ZNF609: variants seen among roughly 807,000 people sequenced by gnomAD.
The protein encoded by ZNF609 is zinc finger protein 609.
In ZNF609, 11 loss-of-function variants were observed where a neutral mutation model predicts 109.5. The observed-to-expected ratio is 0.10, with a 90% CI of 0.06 to 0.17. The LOEUF is 0.17. Ranked by LOEUF, ZNF609 falls within the 10% of genes least tolerant of loss-of-function variation. The probability of loss-of-function intolerance (pLI) is 1.00; values close to 1 mark genes in which losing one functional copy is unlikely to be tolerated. For missense variants in ZNF609, 1,559 were observed against 1,772.4 expected, an observed-to-expected ratio of 0.88 and a Z score of 2.16; for synonymous variants, 646 against 662.0, an observed-to-expected ratio of 0.98 and a Z score of 0.37.
intron 2 of ZNF609, among the ~76,000 whole-genome samples, chr15:64,558,648 G>GT (rs1200409873): frequency 6.6e-6 from 1 of 152,086 alleles, no homozygotes; most frequent in African/African-American, 2.4e-5. Context: ...TAGCCTAATT[G>GT]TTTCATTGCC....
intron 1 of ZNF609, among the ~76,000 whole-genome samples, chr15:64,471,072 A>G (rs1893084111): frequency 6.6e-6 from 1 of 152,148 alleles, no homozygotes; most frequent in Non-Finnish European, 1.5e-5. Flanking sequence ...TACTTAAAAC[A>G]TCTGTTGGTC....
intron 1 of ZNF609, among the ~76,000 whole-genome samples, chr15:64,472,165 G>C (rs1253705588): frequency 6.6e-6 from 1 of 151,924 alleles, no homozygotes; most frequent in Non-Finnish European, 1.5e-5. Context: ...CACCCGCCTC[G>C]GCCTCCCAAA....
chr15:64,558,345 T>A (rs1304366459), intron 2 of ZNF609, among the ~76,000 whole-genome samples: 1 of 152,180 alleles, frequency 6.6e-6, no homozygotes, highest in Non-Finnish European at 1.5e-5. Flanking sequence ...GTTTACTTTA[T>A]CTCTCAAAGC....
At chr15:64,644,245 C>G (rs1035713615) in intron 3 of ZNF609, among the ~76,000 whole-genome samples, 1 of 152,114 alleles carries the variant, frequency 6.6e-6, no homozygotes, top group Non-Finnish European at 1.5e-5. Context: ...CACCTATAAT[C>G]CCAGTACTTT....
At chr15:64,489,148 G>A (rs575676160) in intron 1 of ZNF609, among the ~76,000 whole-genome samples, 1 of 151,114 alleles carries the variant, frequency 6.6e-6, no homozygotes, top group African/African-American at 2.4e-5. Flanking sequence ...TTACACAACA[G>A]TTCTGTGTGC....
At position 64,663,351 on chromosome 15, in the gene ZNF609, TAG is replaced by T. The variant is rs1365139030; in HGVS notation, c.974-6993_974-6992del. Among the ~76,000 whole-genome samples the T allele has an allele frequency of 6.6e-5, 10 of 152,280 alleles. No homozygotes were observed. In the South Asian group the frequency reaches 2.1e-3, roughly 32 times the overall value. ...CTCTAAGGGTTTTGACCTGAACACC[TAG>T]AAGGATGTACACATGCCATTACCTC... On this transcript the variant is annotated intron_variant, in intron 3 of 9. Coordinates refer to ENST00000326648, the MANE Select transcript of ZNF609 (RefSeq NM_015042.2).
chr15:64,652,911 T>C (rs1460893704), intron 3 of ZNF609: 1 of 153,260 alleles, frequency 6.5e-6, no homozygotes, highest in Non-Finnish European at 1.5e-5. Context: ...GCAGTGGTGT[T>C]TACAACTAGT....
chr15:64,538,750 TAGTC>T (rs1184531341), intron 2 of ZNF609, among the ~76,000 whole-genome samples: 2 of 152,072 alleles, frequency 1.3e-5, no homozygotes, highest in East Asian at 3.9e-4. Flanking sequence ...TTCTCCATGT[TAGTC>T]AGGCTGGTCT....
intron 2 of ZNF609, among the ~76,000 whole-genome samples, chr15:64,592,161 C>G (rs1474375030): frequency 6.7e-6 from 1 of 150,330 alleles, no homozygotes; most frequent in Admixed American, 6.6e-5. Context: ...GAAGACCCTG[C>G]CTCAAAGAAA....
intron 1 of ZNF609, among the ~76,000 whole-genome samples, chr15:64,482,024 C>G (rs1248158658): frequency 1.3e-5 from 2 of 152,154 alleles, no homozygotes; most frequent in African/African-American, 4.8e-5. Flanking sequence ...ACTTTGTGAT[C>G]CGCCTGCCTT....
intron 2 of ZNF609, among the ~76,000 whole-genome samples, chr15:64,541,736 A>C (rs370224179): frequency 1.4e-5 from 2 of 143,206 alleles, no homozygotes; most frequent in African/African-American, 5.2e-5. Context: ...GCTACTCAGG[A>C]GGCTGAGGCA....
At chr15:64,649,894 ATACTT>A (rs1421283271) in intron 3 of ZNF609, among the ~76,000 whole-genome samples, 7 of 152,158 alleles carry the variant, frequency 4.6e-5, no homozygotes, top group African/African-American at 9.7e-5. Context: ...TATTTTTAAA[ATACTT>A]TAATACTTTA....
At chr15:64,548,916 C>A (rs1298811604) in intron 2 of ZNF609, among the ~76,000 whole-genome samples, 1 of 152,046 alleles carries the variant, frequency 6.6e-6, no homozygotes, top group Admixed American at 6.6e-5. Context: ...ATACAGAAAT[C>A]TTTCTTCTGT....
chr15:64,649,799 G>A (rs1488572862), intron 3 of ZNF609, among the ~76,000 whole-genome samples: 1 of 152,150 alleles, frequency 6.6e-6, no homozygotes, highest in African/African-American at 2.4e-5. Flanking sequence ...GCAGTAAAAA[G>A]TAAGTCTTCT....
chr15:64,667,009 A>G (rs566234814), intron 3 of ZNF609, among the ~76,000 whole-genome samples: 3 of 152,226 alleles, frequency 2.0e-5, no homozygotes, highest in South Asian at 2.1e-4. Flanking sequence ...GTGCGCCTCT[A>G]GTCCCAGCTA....
chr15:64,599,218 C>T (rs369857278), intron 2 of ZNF609, among the ~76,000 whole-genome samples: 1 of 56,430 alleles, frequency 1.8e-5, no homozygotes, highest in Non-Finnish European at 3.2e-5. Context: ...AGATATCAAA[C>T]AAAAAAGTAA....
chr15:64,593,723 T>A (rs557461567), intron 2 of ZNF609, among the ~76,000 whole-genome samples: 10 of 152,288 alleles, frequency 6.6e-5, no homozygotes, highest in African/African-American at 2.4e-4. Context: ...AGGTACAGGG[T>A]TTCACCATGT....
In ZNF609 at chr15:64,676,207, C is replaced by G. The variant is rs890060320; in HGVS notation, c.3353C>G (p.Ala1118Gly). Residue 1118 changes from alanine to glycine, a missense_variant, in exon 5 of 10, where the codon GCT becomes GGT. Ala to Gly is a moderately conservative substitution (Grantham distance 60). Transcript: ENST00000326648. ...SKEASEAKTG[A>G]ECGRQAEMDP... ...GAGGCCTCTGAGGCCAAGACAGGTG[C>G]TGAGTGTGGTCGACAGGCAGAGATG... The G allele has an allele frequency of 1.9e-6, 3 of 1,613,772 alleles. No individual in the cohort carries two copies. The African/African-American group carries it at 4.0e-5, about 22-fold the overall frequency.
At chr15:64,615,638 C>T (rs1595740083) in intron 2 of ZNF609, among the ~76,000 whole-genome samples, 1 of 152,024 alleles carries the variant, frequency 6.6e-6, no homozygotes, top group African/African-American at 2.4e-5. Flanking sequence ...GGGCATGCAC[C>T]ACCATGCCTG....
Sources: gnomAD v4.1 joint callset for allele counts (sites outside exome capture counted in the v4.1 genomes callset) on GRCh38, gnomAD v4.1.1 for gene constraint, MANE v1.5 for transcripts, NCBI Gene and HGNC (gene_info 2026-07-23, HGNC 2026-07-21) for gene names.